The following GAS7 variants were observed in gnomAD, a reference collection of about 807,000 sequenced individuals.
GAS7 encodes growth arrest-specific protein 7.
In GAS7, 28 loss-of-function variants were observed where a neutral mutation model predicts 71.1. The ratio of observed to expected loss-of-function variants is 0.39; its 90% CI spans 0.29 to 0.54. The LOEUF is 0.54. Among genes scored for constraint, GAS7 ranks in the 20% least tolerant of loss-of-function variants. GAS7 has a pLI of 0.62. For synonymous variants in GAS7, 258 were observed against 245.8 expected, an observed-to-expected ratio of 1.05 and a Z score of -0.46; for missense variants, 436 against 627.8, an observed-to-expected ratio of 0.69 and a Z score of 3.27.
At chr17:9,976,147 G>A (rs1049157854) in intron 3 of GAS7, among the ~76,000 whole-genome samples, 65 of 152,254 alleles carry the variant, frequency 4.3e-4, no homozygotes, top group African/African-American at 1.4e-3. Context: ...AGTTGTCTAA[G>A]ATGTGAACTG....
chr17:9,929,678 C>T (rs1222431057), intron 9 of GAS7, among the ~76,000 whole-genome samples: 4 of 152,066 alleles, frequency 2.6e-5, no homozygotes, highest in East Asian at 1.9e-4. Flanking sequence ...GGGGTTTCAC[C>T]ATGTTAGCCA....
chr17:10,061,035 C>A (rs2073214402), intron 1 of GAS7, among the ~76,000 whole-genome samples: 1 of 152,172 alleles, frequency 6.6e-6, no homozygotes, highest in African/African-American at 2.4e-5. Flanking sequence ...AGAGAGTGGC[C>A]TTGGCTGTGC....
At chr17:10,111,122 C>T (rs966731487) in intron 1 of GAS7, among the ~76,000 whole-genome samples, 6 of 152,082 alleles carry the variant, frequency 3.9e-5, no homozygotes, top group African/African-American at 9.7e-5. Context: ...TTAAGGGGGC[C>T]GGGTGTCTTG....
chr17:10,176,355 G>T (rs1176382931), intron 1 of GAS7, among the ~76,000 whole-genome samples: 1 of 152,148 alleles, frequency 6.6e-6, no homozygotes, highest in Non-Finnish European at 1.5e-5. Flanking sequence ...AAGAGCTGGG[G>T]AGAGACTCCC....
intron 1 of GAS7, among the ~76,000 whole-genome samples, chr17:10,023,967 T>C (rs1022386450): frequency 2.0e-5 from 3 of 151,798 alleles, no homozygotes; most frequent in Non-Finnish European, 4.4e-5. Context: ...CTACTAAAAA[T>C]ACAAAAATTA....
intron 1 of GAS7, among the ~76,000 whole-genome samples, chr17:10,133,524 A>T (rs1250681160): frequency 6.6e-6 from 1 of 152,168 alleles, no homozygotes; most frequent in Non-Finnish European, 1.5e-5. Context: ...TGAGCTCATT[A>T]ATCTACGCAT....
chr17:9,984,181 C>G (rs1287795930), intron 2 of GAS7, among the ~76,000 whole-genome samples: 3 of 152,168 alleles, frequency 2.0e-5, no homozygotes, highest in African/African-American at 4.8e-5. Flanking sequence ...GTTCTTGACT[C>G]AACTTTGCTC....
intron 3 of GAS7, among the ~76,000 whole-genome samples, chr17:9,978,092 T>TA (rs929748036): frequency 2.0e-5 from 3 of 152,072 alleles, no homozygotes; most frequent in Non-Finnish European, 2.9e-5. Context: ...CATGTGCCTA[T>TA]AGTCCCAATT....
At chr17:10,071,394 A>G (rs1193217356) in intron 1 of GAS7, among the ~76,000 whole-genome samples, 1 of 152,140 alleles carries the variant, frequency 6.6e-6, no homozygotes, top group Non-Finnish European at 1.5e-5. Flanking sequence ...CTGGGGCCAC[A>G]AGAACAGAAA....
rs920958978 is a variant in GAS7 at position 10,103,617 on chromosome 17, G to C, written c.184-83720C>G. ...GAGGTGGGCGGATCACCTGAGGTCA[G>C]GAGTTCAAGACCAGCCTGGCCAACA... On this transcript the variant is annotated intron_variant, in intron 1 of 13. Transcript: ENST00000432992. The surrounding 1 kb of genome is among the most constrained non-coding windows in gnomAD (Gnocchi z 5.5). Among the ~76,000 whole-genome samples, 6 of 152,122 alleles carry C rather than the reference G, an allele frequency of 3.9e-5. No homozygotes were observed. The highest frequency in any genetic ancestry group is 1.2e-4 in the African/African-American group (5 of 41,418).
chr17:10,198,110 G>C, intron 1 of GAS7, 98 bp downstream of exon 1: 1 of 1,228,294 alleles, frequency 8.1e-7, no homozygotes, highest in Non-Finnish European at 1.2e-6. Context: ...GCGCCCCTCC[G>C]ACCGGGACGC....
chr17:9,976,429 T>C (rs2070206408), intron 3 of GAS7, among the ~76,000 whole-genome samples: 1 of 152,216 alleles, frequency 6.6e-6, no homozygotes, highest in African/African-American at 2.4e-5. Flanking sequence ...AGCGAGGGTC[T>C]TCCTTTGCTC....
intron 9 of GAS7, among the ~76,000 whole-genome samples, chr17:9,931,441 C>T (rs994278344): frequency 6.6e-5 from 10 of 152,068 alleles, no homozygotes; most frequent in Non-Finnish European, 1.0e-4. Flanking sequence ...GTGACCTTTC[C>T]AAAGCTCGCA....
intron 1 of GAS7, among the ~76,000 whole-genome samples, chr17:10,099,248 G>A (rs985901395): frequency 1.3e-5 from 2 of 151,916 alleles, no homozygotes; most frequent in East Asian, 1.9e-4. Flanking sequence ...ACCAAACAGC[G>A]CCTGTTCCAC....
rs1398956653 is a variant in GAS7, at chr17:9,910,697, C to T, written c.*6531G>A. 9.3e-6 allele frequency: 2 copies of T among 214,082 alleles called. No homozygotes were observed. The highest frequency in any genetic ancestry group is 6.9e-5 in the East Asian group (1 of 14,394). The allele number at this position is 214,082 out of a possible 1,614,324, so 13.3% of individuals were successfully genotyped here. A position where few individuals can be genotyped will look rare whatever the true frequency, so the allele number is the denominator to read the frequency against. On this transcript the variant is annotated 3_prime_UTR_variant, in exon 14 of 14. Transcript: ENST00000432992. The stretch of plus-strand genomic sequence containing the variant: ...TAAACTCTTTAAACATTTAATTCTT[C>T]AGCATTAATACACACAAATGCGGTA...
chr17:10,167,791 T>A (rs1333328120), intron 1 of GAS7, among the ~76,000 whole-genome samples: 1 of 152,280 alleles, frequency 6.6e-6, no homozygotes, highest in East Asian at 1.9e-4. Context: ...CGACACCTTC[T>A]GGGCTCAGGT....
chr17:10,036,713 C>T, intron 1 of GAS7: 1 of 1,295,390 alleles, frequency 7.7e-7, no homozygotes, highest in South Asian at 2.4e-5. Context: ...GGGAAATTAA[C>T]AACTTGTTCT....
chr17:9,970,509 G>A (rs894888944), intron 3 of GAS7, among the ~76,000 whole-genome samples: 2 of 152,092 alleles, frequency 1.3e-5, no homozygotes, highest in Non-Finnish European at 2.9e-5. Flanking sequence ...GCAGGCACCT[G>A]TAATCCCAGC....
intron 11 of GAS7, among the ~76,000 whole-genome samples, chr17:9,921,643 A>T (rs1399673074): frequency 6.6e-6 from 1 of 152,144 alleles, no homozygotes; most frequent in East Asian, 1.9e-4. Context: ...AGTATTGGTT[A>T]AGACCATGGA....
Sources: gnomAD v4.1 joint callset for allele counts (sites outside exome capture counted in the v4.1 genomes callset) on GRCh38, gnomAD v4.1.1 for gene constraint, Gnocchi (gnomAD v3.1) non-coding constraint, MANE v1.5 for transcripts, NCBI Gene and HGNC (gene_info 2026-07-23, HGNC 2026-07-21) for gene names.